CALCOCO2: variants seen among roughly 807,000 people sequenced by gnomAD.
CALCOCO2 encodes the protein calcium-binding and coiled-coil domain-containing protein 2.
Under a neutral mutation model 62.5 loss-of-function variants are expected in CALCOCO2, and 42 were observed. The ratio of observed to expected loss-of-function variants is 0.67; its 90% CI spans 0.53 to 0.87. The LOEUF (loss-of-function observed/expected upper bound fraction) is 0.87, where lower values mean the gene tolerates loss of function less well. Ranked by LOEUF, CALCOCO2 falls within the 40% of genes least tolerant of loss-of-function variation. The pLI is 0.00. For synonymous variants in CALCOCO2, 167 were observed against 173.0 expected (o/e 0.97, Z 0.27); for missense variants, 456 against 515.0 (o/e 0.89, Z 1.11).
rs1356866082 is a variant in CALCOCO2 at position 48,865,080 on chromosome 17, G to A, written c.*2075G>A. 1 of 152,162 alleles carries A rather than the reference G, an allele frequency of 6.6e-6. No individual in the cohort carries two copies. Among genetic ancestry groups the A allele is most frequent in the Non-Finnish European group, 1.5e-5 (1 of 68,040 alleles). 9.4% of individuals were successfully genotyped at this position (152,162 alleles called of 1,614,324 possible). A position where few individuals can be genotyped will look rare whatever the true frequency, so the allele number is the denominator to read the frequency against. On this transcript the variant is annotated 3_prime_UTR_variant, in exon 13 of 13. Coordinates refer to ENST00000258947, the MANE Select transcript of CALCOCO2 (RefSeq NM_005831.5). ...TTACCATGATTGTCAACAGCAGCAGGAGCCCTTCCACAGGGCTTGGTAAAA... is the reference window on the plus strand; with the variant it reads ...TTACCATGATTGTCAACAGCAGCAGAAGCCCTTCCACAGGGCTTGGTAAAA...
At chr17:48,831,442 T>C (rs2039810109) in intron 1 of CALCOCO2, 1 of 152,244 alleles carries the variant, frequency 6.6e-6, no homozygotes, top group African/African-American at 2.4e-5. Context: ...GGTGGTTCCG[T>C]AATCCCTCGC....
intron 4 of CALCOCO2, 107 bp from the exon 5 acceptor site, chr17:48,849,145 G>T (rs1453560177): frequency 1.0e-6 from 1 of 984,094 alleles, no homozygotes; most frequent in Non-Finnish European, 1.6e-6. Context: ...GGGATACATA[G>T]GTGTCACTGC....
chr17:48,843,670 C>T (rs548584888), intron 2 of CALCOCO2, among the ~76,000 whole-genome samples: 3 of 152,298 alleles, frequency 2.0e-5, no homozygotes, highest in East Asian at 1.9e-4. Flanking sequence ...GACTAAAAGG[C>T]GTGCCAACCC....
At chr17:48,841,441 C>A (rs911002319) in intron 1 of CALCOCO2, 10 of 311,334 alleles carry the variant, frequency 3.2e-5, no homozygotes, top group Non-Finnish European at 3.0e-5. Flanking sequence ...TAGCTATAAG[C>A]CTCTGTTCAT....
At chr17:48,836,856 A>G (rs1313520282) in intron 1 of CALCOCO2, among the ~76,000 whole-genome samples, 1 of 146,470 alleles carries the variant, frequency 6.8e-6, no homozygotes, top group Non-Finnish European at 1.5e-5. Context: ...TCCGCCTCCC[A>G]GGTTCAAGCT....
chr17:48,836,631 A>G (rs929101491), intron 1 of CALCOCO2, among the ~76,000 whole-genome samples: 10 of 152,022 alleles, frequency 6.6e-5, no homozygotes, highest in Non-Finnish European at 1.5e-4. Flanking sequence ...CCTGTGTACA[A>G]TGAGGGTTTC....
intron 2 of CALCOCO2, among the ~76,000 whole-genome samples, chr17:48,847,332 G>A (rs1305429223): frequency 6.6e-6 from 1 of 152,170 alleles, no homozygotes; most frequent in Admixed American, 6.6e-5. Flanking sequence ...CAGGTCAGAA[G>A]TGATTTCTGA....
At chr17:48,835,711 G>A (rs985405614) in intron 1 of CALCOCO2, among the ~76,000 whole-genome samples, 2 of 141,024 alleles carry the variant, frequency 1.4e-5, no homozygotes, top group African/African-American at 5.2e-5. Flanking sequence ...AGCTAACTTA[G>A]ATTGGTTGTT....
intron 10 of CALCOCO2, chr17:48,856,662 TTC>T: frequency 4.4e-6 from 2 of 454,062 alleles, no homozygotes; most frequent in Non-Finnish European, 8.8e-6. Flanking sequence ...CATTCATTCA[TTC>T]ATTCATTGGT....
In CALCOCO2 at chr17:48,848,158, A is replaced by G. The variant is rs947108155; in HGVS notation, c.275A>G (p.Gln92Arg). Residue 92 changes from glutamine (Q) to arginine (R), a missense_variant, in exon 3 of 13, where the codon CAA becomes CGA. By Grantham distance (43) the Gln-to-Arg change is conservative. Around this residue, in one of 3 missense-constraint regions of CALCOCO2, gnomAD observed 236 missense variants for 225.3 expected, o/e 1.05. Transcript: ENST00000258947. The part of the protein sequence containing the change: ...NNKSAKQQEV[Q>R]FKAYYLPKDD... Reference sequence around the variant, plus strand: ...AAATCAGCTAAACAGCAGGAAGTCCAATTCAAAGGTGAGAAAAATACTGGA... The same window carrying G: ...AAATCAGCTAAACAGCAGGAAGTCCGATTCAAAGGTGAGAAAAATACTGGA... 1.2e-6 allele frequency: 2 copies of G among 1,608,368 alleles called. No homozygotes were observed. Among genetic ancestry groups the G allele is most frequent in the Non-Finnish European group, 1.7e-6 (2 of 1,174,762 alleles).
intron 2 of CALCOCO2, chr17:48,847,749 G>T: frequency 5.3e-6 from 1 of 189,376 alleles, no homozygotes; most frequent in Non-Finnish European, 1.1e-5. Context: ...TCCGCCTCCT[G>T]GGTTCAAGCA....
chr17:48,847,279 A>G lies in CALCOCO2; in HGVS notation c.181-785A>G, dbSNP rs186101583. Among the ~76,000 whole-genome samples the G allele has an allele frequency of 2.0e-3, 299 of 152,248 alleles. 1 individual carries two copies. Among genetic ancestry groups the G allele is most frequent in the African/African-American group, 7.0e-3 (291 of 41,562 alleles). On this transcript the variant is annotated intron_variant, in intron 2 of 12. Transcript: ENST00000258947. ...TAGTATATCCAGGTTGGTATATGAC[A>G]AGGCTTAATTGGACACAATAGAGGA... is the stretch of plus-strand genomic sequence containing the variant.
intron 1 of CALCOCO2, among the ~76,000 whole-genome samples, chr17:48,835,273 G>A (rs767923758): frequency 2.0e-5 from 3 of 152,130 alleles, no homozygotes; most frequent in African/African-American, 4.8e-5. Context: ...GACCAAGTTC[G>A]GGTTGGCATG....
chr17:48,852,748 G>A (rs972909363), intron 8 of CALCOCO2, 120 bp downstream of exon 8: 42 of 1,079,782 alleles, frequency 3.9e-5, no homozygotes, highest in Middle Eastern at 2.1e-4. Flanking sequence ...TTTAGGAAAG[G>A]GCTCAGAGGA....
rs765959609 is a variant in CALCOCO2, at chr17:48,852,603, A to T, written c.800A>T (p.His267Leu). 1 of 1,613,436 alleles carries T rather than the reference A, an allele frequency of 6.2e-7. No homozygotes were observed. The highest frequency in any genetic ancestry group is 8.5e-7 in the Non-Finnish European group (1 of 1,179,540). The change falls in exon 8 of 13, where the codon CAC becomes CTC. Residue 267 changes from histidine (H) to leucine (L), a missense_variant. By Grantham distance (99) the His-to-Leu change is moderately conservative (BLOSUM62 -3). This residue lies in a region of CALCOCO2 where 172 missense variants were observed against 210.3 expected (regional missense o/e 0.82). Transcript: ENST00000258947. Reference sequence around the variant, plus strand: ...GAGCAGCTGAAAAAGGAAAATGACCACCTCTTTCTCAGTTTAACTGAACAG... The same window carrying T: ...GAGCAGCTGAAAAAGGAAAATGACCTCCTCTTTCTCAGTTTAACTGAACAG... The part of the protein sequence containing the change: ...QLEQLKKEND[H>L]LFLSLTEQRK...
chr17:48,859,930 C>T (rs774353062), intron 10 of CALCOCO2, among the ~76,000 whole-genome samples: 2 of 152,048 alleles, frequency 1.3e-5, no homozygotes, highest in Non-Finnish European at 2.9e-5. Context: ...CCCGTCTCTA[C>T]TAAAAATACA....
chr17:48,856,913 C>T (rs1478239667), intron 10 of CALCOCO2, among the ~76,000 whole-genome samples: 1 of 151,936 alleles, frequency 6.6e-6, no homozygotes, highest in Non-Finnish European at 1.5e-5. Flanking sequence ...ATCGTCCTGC[C>T]ACAGCCTCCC....
intron 1 of CALCOCO2, among the ~76,000 whole-genome samples, chr17:48,840,006 C>G (rs888448072): frequency 6.6e-6 from 1 of 151,792 alleles, no homozygotes; most frequent in Non-Finnish European, 1.5e-5. Flanking sequence ...TAGAGACAGT[C>G]TCACTATATT....
At chr17:48,846,778 T>C (rs546668526) in intron 2 of CALCOCO2, among the ~76,000 whole-genome samples, 1 of 152,312 alleles carries the variant, frequency 6.6e-6, no homozygotes, top group South Asian at 2.1e-4. Flanking sequence ...TTCCTTAATA[T>C]ATAAAAATGG....
Sources: gnomAD v4.1 joint callset for allele counts (sites outside exome capture counted in the v4.1 genomes callset) on GRCh38, gnomAD v4.1.1 for gene constraint, gnomAD v4.1.1 regional missense constraint, MANE v1.5 for transcripts, NCBI Gene and HGNC (gene_info 2026-07-23, HGNC 2026-07-21) for gene names.